The following DNAH14 variants were observed in gnomAD, a reference collection of about 807,000 sequenced individuals.
The protein encoded by DNAH14 is dynein axonemal heavy chain 14, also known as axonemal beta dynein heavy chain 14.
In DNAH14, 478 loss-of-function variants were observed where a neutral mutation model predicts 520.9. That is an observed-to-expected ratio of 0.92 (90% CI 0.85 to 0.99). The LOEUF is 0.99. DNAH14 is among the 50% of genes least tolerant of loss of function. The probability of loss-of-function intolerance (pLI) is 0.00; values close to 1 mark genes in which losing one functional copy is unlikely to be tolerated. For synonymous variants in DNAH14, 1,581 were observed against 1,757.2 expected (o/e 0.90, Z 2.51); for missense variants, 4,831 against 5,234.5 (o/e 0.92, Z 2.38).
chr1:225,246,320 C>A (rs1451255422), intron 43 of DNAH14, among the ~76,000 whole-genome samples: 1 of 152,074 alleles, frequency 6.6e-6, no homozygotes, highest in Non-Finnish European at 1.5e-5. Flanking sequence ...TAGGCATAGG[C>A]AAAGACTTCA....
intron 55 of DNAH14, among the ~76,000 whole-genome samples, chr1:225,290,647 GTATA>G (rs56045354): frequency 0.056 from 3,198 of 57,064 alleles, 89 homozygotes; most frequent in Non-Finnish European, 0.075. Flanking sequence ...GTGTGTGTGT[GTATA>G]TATATATATA....
chr1:224,981,201 A>G (rs1172775513), intron 8 of DNAH14, among the ~76,000 whole-genome samples: 1 of 152,196 alleles, frequency 6.6e-6, no homozygotes, highest in East Asian at 1.9e-4. Flanking sequence ...TATATTGTTA[A>G]AGATTCTAGC....
intron 12 of DNAH14, 129 bp downstream of exon 12, chr1:225,038,952 A>G (rs1039223435): frequency 3.7e-5 from 28 of 746,738 alleles, no homozygotes; most frequent in Middle Eastern, 8.0e-4. Context: ...CAACACACAC[A>G]CACACTTAGC....
At chr1:224,993,970 CT>C (rs1420413824) in intron 8 of DNAH14, among the ~76,000 whole-genome samples, 1 of 151,842 alleles carries the variant, frequency 6.6e-6, no homozygotes, top group Admixed American at 6.6e-5. Flanking sequence ...TGTTTTGTGT[CT>C]ATGTATTTGT....
At chr1:225,219,696 C>T (rs972883837) in intron 41 of DNAH14, among the ~76,000 whole-genome samples, 8 of 152,092 alleles carry the variant, frequency 5.3e-5, no homozygotes, top group Non-Finnish European at 1.2e-4. Flanking sequence ...AGCCCAGGAC[C>T]AGACAGATTA....
chr1:225,389,983 C>T lies in DNAH14; in HGVS notation c.13330+110C>T, dbSNP rs532986356. 55 of 952,828 alleles carry T rather than the reference C, an allele frequency of 5.8e-5. 2 individuals carry two copies. In the South Asian group the frequency reaches 9.2e-4, roughly 16 times the overall value. 59.0% of individuals were successfully genotyped at this position (952,828 alleles called of 1,614,324 possible). A position where few individuals can be genotyped will look rare whatever the true frequency, so the allele number is the denominator to read the frequency against. ...CCCTTTAGGATGACAACACCTGCGCCTCCACAGGTGCCTGGGTCTCTAGTG... is the reference window on the plus strand; with the variant it reads ...CCCTTTAGGATGACAACACCTGCGCTTCCACAGGTGCCTGGGTCTCTAGTG... On this transcript the variant is annotated intron_variant, in intron 83 of 85. Transcript: ENST00000682510.
intron 11 of DNAH14, among the ~76,000 whole-genome samples, chr1:225,031,798 T>C (rs539341210): frequency 9.2e-5 from 14 of 152,120 alleles, no homozygotes; most frequent in Non-Finnish European, 1.6e-4. Context: ...ACATTAAAAG[T>C]ATTGTTTTGA....
At chr1:224,953,733 T>C (rs1049865604) in intron 2 of DNAH14, among the ~76,000 whole-genome samples, 2 of 152,154 alleles carry the variant, frequency 1.3e-5, no homozygotes, top group Admixed American at 1.3e-4. Flanking sequence ...TATATCCTTA[T>C]TGGGTGGGGG....
intron 77 of DNAH14, among the ~76,000 whole-genome samples, chr1:225,373,214 G>C (rs1252351196): frequency 1.3e-5 from 2 of 151,892 alleles, no homozygotes; most frequent in African/African-American, 4.8e-5. Flanking sequence ...AAGGGGGAGA[G>C]GAGGGCCGGG....
intron 21 of DNAH14, among the ~76,000 whole-genome samples, chr1:225,091,157 A>C (rs3101905): frequency 0.043 from 6,557 of 152,002 alleles, 412 homozygotes; most frequent in African/African-American, 0.14. Flanking sequence ...AAAACAACTT[A>C]GAAAACGTAT....
chr1:225,366,999 T>C (rs2095560800), intron 76 of DNAH14, among the ~76,000 whole-genome samples: 1 of 82,374 alleles, frequency 1.2e-5, no homozygotes, highest in South Asian at 4.9e-4. Flanking sequence ...TCCAAAAGTC[T>C]CATGTTCATA....
chr1:224,999,200 G>GT (rs958849681), intron 8 of DNAH14, among the ~76,000 whole-genome samples: 5 of 151,592 alleles, frequency 3.3e-5, no homozygotes, highest in East Asian at 1.9e-4. Flanking sequence ...TTTTTTGTTT[G>GT]TTTTTTTGTT....
chr1:225,217,807 T>C (rs770330458), intron 41 of DNAH14, among the ~76,000 whole-genome samples: 1 of 152,096 alleles, frequency 6.6e-6, no homozygotes, highest in Non-Finnish European at 1.5e-5. Flanking sequence ...TGTCACGGCT[T>C]CCCTTTGCTA....
At chr1:225,196,231 C>T (rs2086110466) in intron 38 of DNAH14, among the ~76,000 whole-genome samples, 1 of 152,096 alleles carries the variant, frequency 6.6e-6, no homozygotes, top group South Asian at 2.1e-4. Flanking sequence ...TTTGCATCCT[C>T]ATAGCTTAGC....
rs562935568 is a variant in DNAH14, at chr1:225,066,482, T to A, written c.2425-12725T>A. ...CAGTTTTCAGTCTTCATTTTTAAAT[T>A]TTTAATTTATTTTTATTATGTATTT... On this transcript the variant is annotated intron_variant, in intron 17 of 85. Transcript: ENST00000682510. Among the ~76,000 whole-genome samples, 14 of 152,122 alleles carry A rather than the reference T, an allele frequency of 9.2e-5. No individual in the cohort carries two copies. The East Asian group carries it at 1.9e-3, about 21-fold the overall frequency.
intron 41 of DNAH14, among the ~76,000 whole-genome samples, chr1:225,213,499 G>A (rs2088783913): frequency 6.6e-6 from 1 of 152,192 alleles, no homozygotes; most frequent in Non-Finnish European, 1.5e-5. Flanking sequence ...ACCTTGGGCA[G>A]TATGGCCATT....
chr1:225,026,112 A>C (rs372229541), intron 11 of DNAH14, among the ~76,000 whole-genome samples: 1 of 152,110 alleles, frequency 6.6e-6, no homozygotes, highest in East Asian at 1.9e-4. Context: ...CTACAGGTTC[A>C]TGCTATCATG....
chr1:225,082,740 G>T lies in DNAH14; in HGVS notation c.3327+1G>T, dbSNP rs1389296839. ...AGTAGAGAATCTTCTAGCTCTCAAGGTAAATAAAAATGGTTTTTTAAAAAA... is the reference window on the plus strand; with the variant it reads ...AGTAGAGAATCTTCTAGCTCTCAAGTTAAATAAAAATGGTTTTTTAAAAAA... On this transcript the variant is annotated splice_donor_variant, in intron 20 of 85. Coordinates refer to ENST00000682510, the MANE Select transcript of DNAH14 (RefSeq NM_001367479.1). LOFTEE classifies it high-confidence loss of function. 2.6e-6 allele frequency: 4 copies of T among 1,534,176 alleles called. No individual in the cohort carries two copies. The highest frequency in any genetic ancestry group is 3.5e-6 in the Non-Finnish European group (4 of 1,142,628).
rs772846528 is a variant in DNAH14 at position 225,273,169 on chromosome 1, A to G, written c.8010+44A>G. Reference sequence around the variant, plus strand: ...AATTATTGGCCGGGTGTGGTGGCTTACGCCTGTAATCCCAGCACTTTGGGA... The same window carrying G: ...AATTATTGGCCGGGTGTGGTGGCTTGCGCCTGTAATCCCAGCACTTTGGGA... On this transcript the variant is annotated intron_variant, in intron 52 of 85. Transcript: ENST00000682510. The G allele has an allele frequency of 1.5e-5, 22 of 1,513,508 alleles. No homozygotes were observed. The Admixed American group carries it at 3.1e-4, about 22-fold the overall frequency. The allele number at this position is 1,513,508 out of a possible 1,614,324, so 93.8% of individuals were successfully genotyped here.
Sources: allele counts gnomAD v4.1 joint callset (sites outside exome capture counted in the v4.1 genomes callset), GRCh38; gene constraint gnomAD v4.1.1; transcripts MANE v1.5; gene names NCBI Gene and HGNC (gene_info 2026-07-23, HGNC 2026-07-21).